The following IDE variants were observed in gnomAD, a reference collection of about 807,000 sequenced individuals.
The protein encoded by IDE is insulin-degrading enzyme.
IDE carries 58 observed loss-of-function variants against 133.2 expected under a neutral mutation model. The observed-to-expected ratio is 0.44, with a 90% CI of 0.35 to 0.54. The LOEUF (loss-of-function observed/expected upper bound fraction) is 0.54. Ranked by LOEUF, IDE falls within the 20% of genes least tolerant of loss-of-function variation. The probability of loss-of-function intolerance (pLI) is 0.00; values close to 1 mark genes in which losing one functional copy is unlikely to be tolerated. For missense variants in IDE, 981 were observed against 1,234.0 expected (o/e 0.79, Z 3.07); for synonymous variants, 396 against 421.3 (o/e 0.94, Z 0.73).
intron 15 of IDE, chr10:92,478,675 A>G (rs1416844762): frequency 1.6e-6 from 2 of 1,267,196 alleles, no homozygotes; most frequent in Non-Finnish European, 2.0e-6. Context: ...ATGCAATGCC[A>G]TAGCTCAAAC....
intron 19 of IDE, among the ~76,000 whole-genome samples, chr10:92,467,397 G>A (rs942854508): frequency 6.6e-6 from 1 of 152,182 alleles, no homozygotes; most frequent in Non-Finnish European, 1.5e-5. Context: ...TAAATACTAA[G>A]TGCCTTTCCA....
At position 92,557,874 on chromosome 10, in the gene IDE, C is replaced by CAAAAAAAAA. The variant is rs3051565; in HGVS notation, c.98+16039_98+16047dup. ...TGGGCAACAGAGCAAGATTCCACCT[C>CAAAAAAAAA]AAAAAAAAAAAAAAAAAAAGGATGC... On this transcript the variant is annotated intron_variant, in intron 1 of 24. Coordinates refer to ENST00000265986, the MANE Select transcript of IDE (RefSeq NM_004969.4). Among the ~76,000 whole-genome samples, 2 of 108,340 alleles carry CAAAAAAAAA rather than the reference C, an allele frequency of 1.8e-5. 1 individual carries two copies. 71.1% of individuals were successfully genotyped at this position (108,340 alleles called of 152,430 possible). A position where few individuals can be genotyped will look rare whatever the true frequency, so the allele number is the denominator to read the frequency against.
intron 21 of IDE, among the ~76,000 whole-genome samples, chr10:92,461,909 C>T (rs1045303389): frequency 6.6e-6 from 1 of 152,100 alleles, no homozygotes; most frequent in Admixed American, 6.5e-5. Flanking sequence ...TCTCCTAACT[C>T]GTGATCCGCC....
intron 1 of IDE, among the ~76,000 whole-genome samples, chr10:92,570,317 T>G (rs1010465739): frequency 6.6e-6 from 1 of 152,214 alleles, no homozygotes; most frequent in Admixed American, 6.6e-5. Flanking sequence ...AGTTTACTGT[T>G]TATTACTGAA....
Position 92,454,346 on chromosome 10 carries a change from A to T in IDE, c.*98T>A. 1.3e-6 allele frequency: 1 copy of T among 797,116 alleles called. No individual in the cohort carries two copies. The highest frequency in any genetic ancestry group is 2.5e-5 in the East Asian group (1 of 40,706). The allele number at this position is 797,116 out of a possible 1,614,324, so 49.4% of individuals were successfully genotyped here. On this transcript the variant is annotated 3_prime_UTR_variant, in exon 25 of 25. Transcript: ENST00000265986. ...ACAATTTTTTGTTTGTTTCTCTAAT[A>T]GTGAATCAGAAACTATTAAAGTGGC...
rs770803879 is a variant in IDE at position 92,534,796 on chromosome 10, AAAC to A, written c.284-14_284-12del. 1.3e-5 allele frequency: 21 copies of A among 1,595,596 alleles called. No homozygotes were observed. In the Admixed American group the frequency reaches 3.5e-4, roughly 27 times the overall value. Reference sequence around the variant, plus strand: ...GATCCGACAATGAACCTGAAAGAGAAAACACGTATATAATAAATCATTGTCCTA... The same window carrying A: ...GATCCGACAATGAACCTGAAAGAGAAACGTATATAATAAATCATTGTCCTA... On this transcript the variant is annotated splice_polypyrimidine_tract_variant and intron_variant, in intron 2 of 24. Transcript: ENST00000265986.
At chr10:92,463,635 G>A (rs1007127739) in intron 21 of IDE, 96 bp downstream of exon 21, 36 of 1,135,088 alleles carry the variant, frequency 3.2e-5, no homozygotes, top group Admixed American at 1.8e-4. Context: ...AATAGGTAAC[G>A]GAATATCACC....
chr10:92,522,397 C>CT (rs1343373699), intron 4 of IDE, among the ~76,000 whole-genome samples: 1 of 152,162 alleles, frequency 6.6e-6, no homozygotes, highest in East Asian at 1.9e-4. Flanking sequence ...AGAACATAGG[C>CT]TTTGAGTTCA....
At chr10:92,539,252 T>C (rs1842181731) in intron 1 of IDE, among the ~76,000 whole-genome samples, 1 of 151,906 alleles carries the variant, frequency 6.6e-6, no homozygotes, top group South Asian at 2.1e-4. Flanking sequence ...GGAGAGGAGA[T>C]ACGGAATTTT....
intron 14 of IDE, 189 bp from the exon 15 acceptor site, chr10:92,479,610 A>AGTGTGT (rs3831274): frequency 1.3e-5 from 6 of 470,282 alleles, no homozygotes; most frequent in South Asian, 3.2e-5. Flanking sequence ...AGTGTGTGTG[A>AGTGTGT]GTGTGTGTGT....
At chr10:92,480,950 TA>T in intron 14 of IDE, 1 of 936,450 alleles carries the variant, frequency 1.1e-6, no homozygotes, top group Non-Finnish European at 1.3e-6. Context: ...ATAAAATGTG[TA>T]GTCACTTAGA....
chr10:92,524,147 A>G (rs1849382320), intron 4 of IDE, among the ~76,000 whole-genome samples: 1 of 67,488 alleles, frequency 1.5e-5, no homozygotes, highest in Non-Finnish European at 3.3e-5. Flanking sequence ...TAAAAATATC[A>G]TTCAATTCAC....
intron 4 of IDE, among the ~76,000 whole-genome samples, chr10:92,525,236 G>C (rs1186889681): frequency 6.6e-6 from 1 of 152,202 alleles, no homozygotes; most frequent in African/African-American, 2.4e-5. Flanking sequence ...CTGGGCAACA[G>C]AGTGAGACTG....
chr10:92,451,922 C>T lies in IDE; in HGVS notation c.*2522G>A, dbSNP rs1173763325. ...ATATTTTTTCTATCCTTTTTATTTT[C>T]ATCCCTGTAAGGGCAGGAACAAATC... On this transcript the variant is annotated 3_prime_UTR_variant, in exon 25 of 25. Coordinates refer to ENST00000265986, the MANE Select transcript of IDE (RefSeq NM_004969.4). 1 of 152,198 alleles carries T rather than the reference C, an allele frequency of 6.6e-6. No individual in the cohort carries two copies. The highest frequency in any genetic ancestry group is 1.5e-5 in the Non-Finnish European group (1 of 68,038). The allele number at this position is 152,198 out of a possible 1,614,324, so 9.4% of individuals were successfully genotyped here.
chr10:92,507,685 C>T lies in IDE; in HGVS notation c.1154-19G>A. 1 of 1,317,390 alleles carries T rather than the reference C, an allele frequency of 7.6e-7. No individual in the cohort carries two copies. Among genetic ancestry groups the T allele is most frequent in the African/African-American group, 1.4e-5 (1 of 69,252 alleles). 81.6% of individuals were successfully genotyped at this position (1,317,390 alleles called of 1,614,324 possible). On this transcript the variant is annotated intron_variant, in intron 8 of 24. Coordinates refer to ENST00000265986, the MANE Select transcript of IDE (RefSeq NM_004969.4). Reference sequence around the variant, plus strand: ...ACATGTACTGGAAAAAAGGGGCACACTTAAAAACCATTCAGTCCTTGAATC... The same window carrying T: ...ACATGTACTGGAAAAAAGGGGCACATTTAAAAACCATTCAGTCCTTGAATC...
chr10:92,565,880 TA>T (rs1843513791), intron 1 of IDE, among the ~76,000 whole-genome samples: 1 of 152,096 alleles, frequency 6.6e-6, no homozygotes, highest in Non-Finnish European at 1.5e-5. Flanking sequence ...GAAGACAATA[TA>T]ATGGCCAACC....
chr10:92,514,687 T>C (rs1033915108), intron 5 of IDE, among the ~76,000 whole-genome samples: 2 of 152,126 alleles, frequency 1.3e-5, no homozygotes, highest in African/African-American at 4.8e-5. Context: ...TTAGAGCACC[T>C]ATTACTGTAG....
chr10:92,483,950 T>C (rs1482118037), intron 13 of IDE, among the ~76,000 whole-genome samples: 2 of 152,106 alleles, frequency 1.3e-5, no homozygotes, highest in East Asian at 3.9e-4. Context: ...TGGTGAAAAA[T>C]TAAGGCTGGC....
rs375446633 is a variant in IDE, at chr10:92,548,197, T to C, written c.99-10647A>G. Among the ~76,000 whole-genome samples, 25 of 151,764 alleles carry C rather than the reference T, an allele frequency of 1.6e-4. No individual in the cohort carries two copies. The East Asian group carries it at 2.5e-3, about 15-fold the overall frequency. On this transcript the variant is annotated intron_variant, in intron 1 of 24. Transcript: ENST00000265986. ...CAACGTCGAGAAACTCCATCTCTAC[T>C]AAAAACACCAAAATTAGCCAGGCGT...
Sources: allele counts gnomAD v4.1 joint callset (sites outside exome capture counted in the v4.1 genomes callset), GRCh38; gene constraint gnomAD v4.1.1; transcripts MANE v1.5; gene names NCBI Gene and HGNC (gene_info 2026-07-23, HGNC 2026-07-21).